The following ANKS1B variants were observed in gnomAD, a reference collection of about 807,000 sequenced individuals.
ANKS1B encodes ankyrin repeat and sterile alpha motif domain-containing protein 1B.
In ANKS1B, 36 loss-of-function variants were observed where a neutral mutation model predicts 148.3. The observed-to-expected ratio is 0.24, with a 90% CI of 0.19 to 0.32. The LOEUF (loss-of-function observed/expected upper bound fraction) is 0.32, where lower values mean the gene tolerates loss of function less well. ANKS1B is among the 10% of genes least tolerant of loss of function. The probability of loss-of-function intolerance (pLI) is 1.00; values close to 1 mark genes in which losing one functional copy is unlikely to be tolerated. For missense variants in ANKS1B, 1,157 were observed against 1,542.6 expected, an observed-to-expected ratio of 0.75 and a Z score of 4.19; for synonymous variants, 542 against 560.8, an observed-to-expected ratio of 0.97 and a Z score of 0.47.
rs1166158783 is a variant in ANKS1B at position 98,953,537 on chromosome 12, G to GTTTTTT, written c.2778+99614_2778+99619dup. ...CATGTCCATTTGAGAATCTAGAGTGGTTTTTTTTTTTTTTTTTTTTTTTTT... is the reference window on the plus strand; with the variant it reads ...CATGTCCATTTGAGAATCTAGAGTGGTTTTTTTTTTTTTTTTTTTTTTTTTTTTTTT... On this transcript the variant is annotated intron_variant, in intron 17 of 26. Coordinates refer to ENST00000683438, the MANE Select transcript of ANKS1B (RefSeq NM_001352186.2). Among the ~76,000 whole-genome samples, 106 of 57,458 alleles carry GTTTTTT rather than the reference G, an allele frequency of 1.8e-3. 13 individuals are homozygous for GTTTTTT. Among genetic ancestry groups the GTTTTTT allele is most frequent in the East Asian group, 4.5e-3 (7 of 1,562 alleles). 37.7% of individuals were successfully genotyped at this position (57,458 alleles called of 152,430 possible).
rs1354674998 is a variant in ANKS1B at position 98,917,700 on chromosome 12, G to C, written c.2779-85564C>G. Among the ~76,000 whole-genome samples, 3 of 152,206 alleles carry C rather than the reference G, an allele frequency of 2.0e-5. No homozygotes were observed. The East Asian group carries it at 5.8e-4, about 29-fold the overall frequency. ...TAATAAAAATGCCTGACAGCTCTGA[G>C]ATTAGTGAGTAGCCCTTATCTGGGG... On this transcript the variant is annotated intron_variant, in intron 17 of 26. Coordinates refer to ENST00000683438, the MANE Select transcript of ANKS1B (RefSeq NM_001352186.2).
chr12:99,201,172 A>G (rs1175897861), intron 14 of ANKS1B, among the ~76,000 whole-genome samples: 1 of 152,184 alleles, frequency 6.6e-6, no homozygotes, highest in Non-Finnish European at 1.5e-5. Flanking sequence ...CTGATCACGC[A>G]TGGTGTAGGA....
intron 1 of ANKS1B, among the ~76,000 whole-genome samples, chr12:99,972,679 A>T (rs2095574306): frequency 1.3e-5 from 2 of 152,250 alleles, no homozygotes; most frequent in Admixed American, 1.3e-4. Flanking sequence ...CAGAAGCTGC[A>T]GCAAGTTATC....
rs540444885 is a variant in ANKS1B, at chr12:99,356,114, C to T, written c.1756+43517G>A. Reference sequence around the variant, plus strand: ...GTACTCTTAAAATATACAGGAATAACAGATATAAGGAACAGCCACTACTCT... The same window carrying T: ...GTACTCTTAAAATATACAGGAATAATAGATATAAGGAACAGCCACTACTCT... On this transcript the variant is annotated intron_variant, in intron 12 of 26. Coordinates refer to ENST00000683438, the MANE Select transcript of ANKS1B (RefSeq NM_001352186.2). Among the ~76,000 whole-genome samples, 49 of 152,104 alleles carry T rather than the reference C, an allele frequency of 3.2e-4. 1 individual carries two copies. Among genetic ancestry groups the T allele is most frequent in the African/African-American group, 1.1e-3 (47 of 41,498 alleles).
At chr12:98,873,274 G>A (rs887716509) in intron 17 of ANKS1B, among the ~76,000 whole-genome samples, 11 of 152,126 alleles carry the variant, frequency 7.2e-5, no homozygotes, top group Admixed American at 5.2e-4. Flanking sequence ...GAGTTTCCAG[G>A]TCAACCTCCT....
chr12:99,595,569 A>G (rs1292457979), intron 9 of ANKS1B, among the ~76,000 whole-genome samples: 4 of 151,922 alleles, frequency 2.6e-5, no homozygotes, highest in Non-Finnish European at 5.9e-5. Context: ...AAAATATAAA[A>G]CTAATTATGT....
chr12:98,909,454 C>T (rs1417499765), intron 17 of ANKS1B, among the ~76,000 whole-genome samples: 2 of 152,194 alleles, frequency 1.3e-5, no homozygotes, highest in African/African-American at 4.8e-5. Flanking sequence ...CAAAAACAGA[C>T]ATTCATGTTC....
chr12:99,525,239 G>C (rs1160360765), intron 9 of ANKS1B, among the ~76,000 whole-genome samples: 1 of 152,120 alleles, frequency 6.6e-6, no homozygotes, highest in Non-Finnish European at 1.5e-5. Flanking sequence ...GGACACCAGT[G>C]GGAAAATACA....
chr12:99,873,444 C>T (rs1002525727), intron 1 of ANKS1B, among the ~76,000 whole-genome samples: 2 of 152,172 alleles, frequency 1.3e-5, no homozygotes, highest in Admixed American at 1.3e-4. Flanking sequence ...AGGAGTTTAA[C>T]TGCTCCATAG....
intron 1 of ANKS1B, among the ~76,000 whole-genome samples, chr12:99,847,121 T>TC (rs974173383): frequency 2.0e-5 from 3 of 151,792 alleles, no homozygotes; most frequent in Non-Finnish European, 4.4e-5. Context: ...TTTTTTTTTT[T>TC]CTTTGAGACA....
intron 9 of ANKS1B, among the ~76,000 whole-genome samples, chr12:99,626,950 A>G (rs1288221255): frequency 6.6e-6 from 1 of 152,158 alleles, no homozygotes; most frequent in Non-Finnish European, 1.5e-5. Context: ...TAAAATATGC[A>G]CTGGCCATTC....
intron 12 of ANKS1B, among the ~76,000 whole-genome samples, chr12:99,359,099 T>C (rs540467142): frequency 2.0e-5 from 3 of 152,314 alleles, no homozygotes; most frequent in East Asian, 1.9e-4. Context: ...CTTTTCAAAA[T>C]TCTTTTAAAT....
In ANKS1B at chr12:98,996,242, G is replaced by A. The variant is rs577730561; in HGVS notation, c.2778+56915C>T. On this transcript the variant is annotated intron_variant, in intron 17 of 26. Transcript: ENST00000683438. ...AAGAGGAAAGGGAATAAACATTCACGAATTACTGTCATCATCGTGAAGGGA... is the reference window on the plus strand; with the variant it reads ...AAGAGGAAAGGGAATAAACATTCACAAATTACTGTCATCATCGTGAAGGGA... 2.0e-5 allele frequency among the ~76,000 whole-genome samples: 3 copies of A among 152,272 alleles called. No individual in the cohort carries two copies. The South Asian group carries it at 6.2e-4, about 32-fold the overall frequency.
chr12:98,998,370 A>T (rs1568272246), intron 17 of ANKS1B, among the ~76,000 whole-genome samples: 1 of 152,238 alleles, frequency 6.6e-6, no homozygotes, highest in Non-Finnish European at 1.5e-5. Context: ...TTTTCTAATA[A>T]GGTTTCTAAG....
At chr12:99,192,413 A>C (rs1425619988) in intron 14 of ANKS1B, among the ~76,000 whole-genome samples, 1 of 152,150 alleles carries the variant, frequency 6.6e-6, no homozygotes, top group African/African-American at 2.4e-5. Flanking sequence ...AACTGTTGGA[A>C]GCACATTAAT....
intron 17 of ANKS1B, among the ~76,000 whole-genome samples, chr12:98,992,164 C>A (rs2099926990): frequency 6.6e-6 from 1 of 152,168 alleles, no homozygotes; most frequent in South Asian, 2.1e-4. Context: ...ATTCTAGCCA[C>A]ACGGACCTTC....
chr12:99,650,938 ATGTCTGTAT>A (rs2098415474), intron 9 of ANKS1B, among the ~76,000 whole-genome samples: 1 of 152,086 alleles, frequency 6.6e-6, no homozygotes, highest in Non-Finnish European at 1.5e-5. Context: ...GCCCCCAATT[ATGTCTGTAT>A]TGTTTCCATA....
intron 22 of ANKS1B, among the ~76,000 whole-genome samples, chr12:98,787,855 G>T (rs918399702): frequency 6.6e-6 from 1 of 151,920 alleles, no homozygotes; most frequent in Non-Finnish European, 1.5e-5. Flanking sequence ...AGGAGGTAGA[G>T]GTTGCAGTGA....
chr12:99,443,625 C>T, intron 11 of ANKS1B, 48 bp downstream of exon 11: 1 of 1,596,692 alleles, frequency 6.3e-7, no homozygotes, highest in Non-Finnish European at 8.6e-7. Flanking sequence ...TGCATTGATT[C>T]AAATCAAAAC....
Sources: gnomAD v4.1 joint callset for allele counts (sites outside exome capture counted in the v4.1 genomes callset) on GRCh38, gnomAD v4.1.1 for gene constraint, MANE v1.5 for transcripts, NCBI Gene and HGNC (gene_info 2026-07-23, HGNC 2026-07-21) for gene names.